The following KIAA0825 variants were observed in gnomAD, a reference collection of about 807,000 sequenced individuals.
KIAA0825 encodes the protein KIAA0825.
Under a neutral mutation model 147.6 loss-of-function variants are expected in KIAA0825, and 119 were observed. The ratio of observed to expected loss-of-function variants is 0.81; its 90% CI spans 0.69 to 0.94. KIAA0825 has a LOEUF of 0.94. KIAA0825 is among the 40% of genes least tolerant of loss of function. The probability of loss-of-function intolerance (pLI) is 0.00; values close to 1 mark genes in which losing one functional copy is unlikely to be tolerated. For missense variants in KIAA0825, 1,381 were observed against 1,472.7 expected (o/e 0.94, Z 1.02); for synonymous variants, 470 against 518.1 (o/e 0.91, Z 1.26).
chr5:94,485,143 A>G (rs1762897760), intron 5 of KIAA0825, among the ~76,000 whole-genome samples: 1 of 151,906 alleles, frequency 6.6e-6, no homozygotes, highest in Non-Finnish European at 1.5e-5. Context: ...AGGCAAATAT[A>G]GCAATTAAAT....
chr5:94,221,132 T>C (rs900667312), intron 20 of KIAA0825, among the ~76,000 whole-genome samples: 15 of 152,192 alleles, frequency 9.9e-5, no homozygotes, highest in African/African-American at 3.4e-4. Context: ...CAAAAGAAGA[T>C]GCTAGTCCTC....
intron 2 of KIAA0825, among the ~76,000 whole-genome samples, chr5:94,574,217 G>C (rs954697530): frequency 3.7e-4 from 57 of 152,208 alleles, no homozygotes; most frequent in Non-Finnish European, 1.9e-4. Context: ...ATAGGTTCAA[G>C]CCCTCTCCAA....
At chr5:94,266,129 A>G (rs1030232707) in intron 20 of KIAA0825, among the ~76,000 whole-genome samples, 21 of 152,228 alleles carry the variant, frequency 1.4e-4, no homozygotes, top group Non-Finnish European at 2.9e-5. Flanking sequence ...TAAAACTGTC[A>G]TTTCAAGGAA....
intron 20 of KIAA0825, among the ~76,000 whole-genome samples, chr5:94,373,347 A>G (rs1446361811): frequency 1.3e-5 from 2 of 152,184 alleles, no homozygotes; most frequent in Admixed American, 6.5e-5. Context: ...TCATGCTGCT[A>G]TGAAGACAGA....
At chr5:94,216,226 T>C (rs1773183893) in intron 20 of KIAA0825, among the ~76,000 whole-genome samples, 1 of 152,094 alleles carries the variant, frequency 6.6e-6, no homozygotes, top group Non-Finnish European at 1.5e-5. Flanking sequence ...TTCTCTCCAA[T>C]TGGAGGGAGA....
intron 20 of KIAA0825, among the ~76,000 whole-genome samples, chr5:94,222,948 T>C (rs1290366965): frequency 6.6e-6 from 1 of 152,140 alleles, no homozygotes; most frequent in Non-Finnish European, 1.5e-5. Flanking sequence ...CTTTTGTATG[T>C]GTGGCAAGAG....
intron 8 of KIAA0825, 120 bp downstream of exon 8, chr5:94,473,172 A>G (rs1761432818): frequency 1.4e-6 from 1 of 729,886 alleles, no homozygotes; most frequent in African/African-American, 1.8e-5. Context: ...TACTGGGTCA[A>G]GTACCAAGTA....
intron 20 of KIAA0825, among the ~76,000 whole-genome samples, chr5:94,238,105 A>G (rs1775154530): frequency 6.6e-6 from 1 of 152,192 alleles, no homozygotes; most frequent in Non-Finnish European, 1.5e-5. Flanking sequence ...ACACTGAAGG[A>G]TTTCTGGAAA....
intron 20 of KIAA0825, among the ~76,000 whole-genome samples, chr5:94,223,893 G>A (rs1583899815): frequency 6.6e-6 from 1 of 151,850 alleles, no homozygotes; most frequent in South Asian, 2.1e-4. Context: ...GGGATTCATC[G>A]CAACATCTAT....
intron 14 of KIAA0825, among the ~76,000 whole-genome samples, chr5:94,436,543 G>T (rs1465410078): frequency 1.3e-5 from 2 of 152,248 alleles, no homozygotes; most frequent in African/African-American, 4.8e-5. Flanking sequence ...ATAGTTTGAA[G>T]TCTGGTAGCA....
Position 94,473,306 on chromosome 5 carries a change from T to G in KIAA0825, c.1441A>C (p.Lys481Gln). The change falls in exon 8 of 21, where the codon AAG becomes CAG. Residue 481 changes from lysine to glutamine, a missense_variant. Lys to Gln is a moderately conservative substitution (Grantham distance 53). Coordinates refer to ENST00000682413, the MANE Select transcript of KIAA0825 (RefSeq NM_001145678.3). Reference sequence around the variant, plus strand: ...CATATACTTGCTTTTCCAATTTTCTTTGGTTGTTCCTCCTCAGGAAACATA... The same window carrying G: ...CATATACTTGCTTTTCCAATTTTCTGTGGTTGTTCCTCCTCAGGAAACATA... ...SHMFPEEEQP[K>Q]KIGKFCSDIM... is the part of the protein sequence containing the mutation. The G allele has an allele frequency of 6.4e-7, 1 of 1,551,644 alleles. No individual in the cohort carries two copies. Among genetic ancestry groups the G allele is most frequent in the South Asian group, 1.2e-5 (1 of 84,030 alleles).
intron 20 of KIAA0825, among the ~76,000 whole-genome samples, chr5:94,316,397 A>C (rs1315449898): frequency 2.0e-5 from 3 of 151,702 alleles, no homozygotes; most frequent in Non-Finnish European, 2.9e-5. Context: ...CAAAAAAAAA[A>C]ACCTTATATG....
chr5:94,168,093 T>C (rs1167054611), intron 20 of KIAA0825, among the ~76,000 whole-genome samples: 3 of 150,904 alleles, frequency 2.0e-5, no homozygotes, highest in African/African-American at 7.3e-5. Flanking sequence ...CATAAATGTA[T>C]ATTTTTAAAA....
In KIAA0825 at chr5:94,550,729, C is replaced by T. The variant is rs570190383; in HGVS notation, c.-1-13602G>A. ...TGGTGGCGGGTGCCTGTAGTCCCAG[C>T]TACTTGGGAGGCTGAGGCAGGAGAA... On this transcript the variant is annotated intron_variant, in intron 2 of 20. Coordinates refer to ENST00000682413, the MANE Select transcript of KIAA0825 (RefSeq NM_001145678.3). Among the ~76,000 whole-genome samples, 3 of 151,900 alleles carry T rather than the reference C, an allele frequency of 2.0e-5. No individual in the cohort carries two copies. In the East Asian group the frequency reaches 5.9e-4, roughly 30 times the overall value.
chr5:94,575,048 C>A (rs1233039707), intron 2 of KIAA0825, among the ~76,000 whole-genome samples: 2 of 151,876 alleles, frequency 1.3e-5, no homozygotes, highest in Non-Finnish European at 2.9e-5. Context: ...TTTTGGAGAA[C>A]CAGAGCAGAA....
At chr5:94,230,568 C>T (rs548203452) in intron 20 of KIAA0825, among the ~76,000 whole-genome samples, 1 of 152,082 alleles carries the variant, frequency 6.6e-6, no homozygotes, top group African/African-American at 2.4e-5. Flanking sequence ...TCTTCTCTGC[C>T]ATTCATTTTG....
chr5:94,266,883 G>C (rs1776759133), intron 20 of KIAA0825, among the ~76,000 whole-genome samples: 1 of 152,066 alleles, frequency 6.6e-6, no homozygotes, highest in South Asian at 2.1e-4. Flanking sequence ...AAAGTTCTCT[G>C]GGGTCCTCAA....
chr5:94,320,120 A>G (rs1463156677), intron 20 of KIAA0825, among the ~76,000 whole-genome samples: 3 of 151,928 alleles, frequency 2.0e-5, no homozygotes, highest in Non-Finnish European at 4.4e-5. Context: ...TGGTTTTCCC[A>G]CTTTCAAAAG....
intron 5 of KIAA0825, among the ~76,000 whole-genome samples, chr5:94,516,332 A>AATAGCACAGCATAGC (rs1448023079): frequency 6.6e-6 from 1 of 152,206 alleles, no homozygotes; most frequent in Admixed American, 6.5e-5. Flanking sequence ...GCATAGCACA[A>AATAGCACAGCATAGC]ATAGCACAGC....
Sources: allele counts gnomAD v4.1 joint callset (sites outside exome capture counted in the v4.1 genomes callset), GRCh38; gene constraint gnomAD v4.1.1; transcripts MANE v1.5; gene names NCBI Gene and HGNC (gene_info 2026-07-23, HGNC 2026-07-21).